Variants in GMPS observed in about 807,000 individuals in gnomAD.
GMPS encodes the protein guanosine monophosphate synthase.
GMPS carries 15 observed loss-of-function variants against 77.9 expected under a neutral mutation model. The observed-to-expected ratio is 0.19, with a 90% confidence interval of 0.13 to 0.30. The LOEUF (loss-of-function observed/expected upper bound fraction) is 0.30, where lower values mean the gene tolerates loss of function less well. Among genes scored for constraint, GMPS ranks in the 10% least tolerant of loss-of-function variants. The probability of loss-of-function intolerance (pLI) is 1.00; values close to 1 mark genes in which losing one functional copy is unlikely to be tolerated. For synonymous variants in GMPS, 224 were observed against 275.9 expected, an observed-to-expected ratio of 0.81 and a Z score of 1.86; for missense variants, 590 against 838.8, an observed-to-expected ratio of 0.70 and a Z score of 3.66.
intron 10 of GMPS, among the ~76,000 whole-genome samples, chr3:155,921,489 T>G (rs1755315400): frequency 6.6e-6 from 1 of 152,132 alleles, no homozygotes. Context: ...TACTGGATAA[T>G]TTTGTGATAC....
chr3:155,884,995 T>A (rs1243111706), intron 1 of GMPS, among the ~76,000 whole-genome samples: 1 of 152,180 alleles, frequency 6.6e-6, no homozygotes, highest in East Asian at 1.9e-4. Context: ...AAGAGATGTG[T>A]TTGGTTAGCA....
In GMPS at chr3:155,940,536, A is replaced by C. The variant is rs1437769598; in HGVS notation, c.*2844A>C. On this transcript the variant is annotated 3_prime_UTR_variant, in exon 16 of 16. Coordinates refer to ENST00000496455, the MANE Select transcript of GMPS (RefSeq NM_003875.3). ...ACCCTAACCTGTAGAGAATAAGAGC[A>C]TTCAAATTAGGAAGGCAGGACTATC... 4.6e-6 allele frequency: 1 copy of C among 216,942 alleles called. No homozygotes were observed. Among genetic ancestry groups the C allele is most frequent in the Non-Finnish European group, 9.3e-6 (1 of 107,814 alleles). 13.4% of individuals were successfully genotyped at this position (216,942 alleles called of 1,614,324 possible).
chr3:155,869,773 G>A (rs1213791281), upstream of GMPS, among the ~76,000 whole-genome samples: 2 of 152,170 alleles, frequency 1.3e-5, no homozygotes, highest in Non-Finnish European at 2.9e-5. Flanking sequence ...ACACAAGAAT[G>A]ACTGCAGCAA....
intron 2 of GMPS, among the ~76,000 whole-genome samples, chr3:155,894,930 G>C (rs1178946029): frequency 1.3e-5 from 2 of 152,136 alleles, no homozygotes; most frequent in African/African-American, 4.8e-5. Flanking sequence ...TTATTTACCA[G>C]CAAGAACTAG....
At chr3:155,870,953 C>A (rs1753889663) in intron 1 of GMPS, 56 bp downstream of exon 1, 3 of 1,398,432 alleles carry the variant, frequency 2.1e-6, no homozygotes, top group African/African-American at 3.0e-5. Context: ...GCTCCCGGAC[C>A]GGGGAGCCAC....
rs113299379 is a variant in GMPS, at chr3:155,890,519, C to T, written c.28-2999C>T. Reference sequence around the variant, plus strand: ...GTTTACTACAGTATAATTTAAAATACTAGGAACATTGAGAATTAAAGTATT... The same window carrying T: ...GTTTACTACAGTATAATTTAAAATATTAGGAACATTGAGAATTAAAGTATT... On this transcript the variant is annotated intron_variant, in intron 1 of 15. Transcript: ENST00000496455. Among the ~76,000 whole-genome samples, 12 of 151,758 alleles carry T rather than the reference C, an allele frequency of 7.9e-5. 1 individual carries two copies. The highest frequency in any genetic ancestry group is 2.9e-4 in the African/African-American group (12 of 41,276).
chr3:155,883,264 G>A (rs1211215763), intron 1 of GMPS, among the ~76,000 whole-genome samples: 1 of 151,930 alleles, frequency 6.6e-6, no homozygotes, highest in Admixed American at 6.6e-5. Context: ...TAGTAGAGAT[G>A]GGGTTTCACC....
In GMPS at chr3:155,937,989, A is replaced by G; in HGVS notation, c.*297A>G. On this transcript the variant is annotated 3_prime_UTR_variant, in exon 16 of 16. Coordinates refer to ENST00000496455, the MANE Select transcript of GMPS (RefSeq NM_003875.3). ...ATTCACTGTTGATGTCTCTGTGAAT[A>G]TGTATGAAGGTGGGTGAATTTGGGG... The G allele has an allele frequency of 3.4e-6, 1 of 296,862 alleles. No individual in the cohort carries two copies. Among genetic ancestry groups the G allele is most frequent in the Admixed American group, 4.6e-5 (1 of 21,540 alleles). The allele number at this position is 296,862 out of a possible 1,614,324, so 18.4% of individuals were successfully genotyped here.
At chr3:155,915,011 G>A (rs977571892) in intron 8 of GMPS, among the ~76,000 whole-genome samples, 5 of 151,674 alleles carry the variant, frequency 3.3e-5, no homozygotes, top group East Asian at 1.9e-4. Context: ...CTCATGATCC[G>A]CCCGCCTCAG....
At chr3:155,905,461 A>G (rs1022958231) in intron 4 of GMPS, among the ~76,000 whole-genome samples, 2 of 152,086 alleles carry the variant, frequency 1.3e-5, no homozygotes, top group Non-Finnish European at 2.9e-5. Flanking sequence ...TACTTAACTA[A>G]GTTTCATTAA....
intron 12 of GMPS, among the ~76,000 whole-genome samples, chr3:155,928,019 CTTTTTT>C (rs35962523): frequency 7.4e-5 from 5 of 67,842 alleles, no homozygotes; most frequent in African/African-American, 1.9e-4. Context: ...GCATTTTACA[CTTTTTT>C]TTTTTTTTTT....
intron 13 of GMPS, among the ~76,000 whole-genome samples, chr3:155,933,051 G>T (rs187933044): frequency 1.3e-5 from 2 of 152,240 alleles, no homozygotes; most frequent in African/African-American, 4.8e-5. Context: ...AATTAGCCAG[G>T]CATGGTGGTG....
chr3:155,941,719 T>C lies in GMPS; in HGVS notation c.*4027T>C, dbSNP rs146753585. ...CTCCACCCTTGGAAAGCACATCTTT[T>C]GTTCTTACTGAAGTAGTTTAACACC... On this transcript the variant is annotated 3_prime_UTR_variant, in exon 16 of 16. Coordinates refer to ENST00000496455, the MANE Select transcript of GMPS (RefSeq NM_003875.3). The C allele has an allele frequency of 1.8e-5, 4 of 222,120 alleles. No homozygotes were observed. Among genetic ancestry groups the C allele is most frequent in the East Asian group, 6.6e-5 (1 of 15,236 alleles). 13.8% of individuals were successfully genotyped at this position (222,120 alleles called of 1,614,324 possible). A position where few individuals can be genotyped will look rare whatever the true frequency, so the allele number is the denominator to read the frequency against.
intron 1 of GMPS, among the ~76,000 whole-genome samples, chr3:155,878,139 C>T (rs1754103939): frequency 6.6e-6 from 1 of 152,102 alleles, no homozygotes; most frequent in Non-Finnish European, 1.5e-5. Flanking sequence ...GCTCTAACCA[C>T]CTCCCAAAGA....
chr3:155,871,401 C>T (rs1304203382), intron 1 of GMPS, among the ~76,000 whole-genome samples: 1 of 152,142 alleles, frequency 6.6e-6, no homozygotes, highest in Non-Finnish European at 1.5e-5. Flanking sequence ...GTCTTCCCGC[C>T]ACCCCGTTTC....
chr3:155,871,426 C>T (rs1753902244), intron 1 of GMPS, among the ~76,000 whole-genome samples: 1 of 152,194 alleles, frequency 6.6e-6, no homozygotes, highest in Admixed American at 6.5e-5. Context: ...CTGCCCTCGG[C>T]GAGGCCCGCT....
At chr3:155,878,956 G>C (rs996353286) in intron 1 of GMPS, among the ~76,000 whole-genome samples, 4 of 152,098 alleles carry the variant, frequency 2.6e-5, no homozygotes, top group Non-Finnish European at 5.9e-5. Flanking sequence ...GAATCCGAAG[G>C]CCATATCCTG....
At chr3:155,875,951 G>T (rs1473128797) in intron 1 of GMPS, among the ~76,000 whole-genome samples, 1 of 151,828 alleles carries the variant, frequency 6.6e-6, no homozygotes, top group South Asian at 2.1e-4. Context: ...CTAAACTGGG[G>T]CACATGAGCA....
chr3:155,891,604 C>CTTTTT (rs35759331), intron 1 of GMPS, among the ~76,000 whole-genome samples: 1 of 127,894 alleles, frequency 7.8e-6, no homozygotes, highest in East Asian at 2.2e-4. Flanking sequence ...TTGTTTGTTA[C>CTTTTT]TTTTTTTTTT....
Sources: allele counts gnomAD v4.1 joint callset (sites outside exome capture counted in the v4.1 genomes callset), GRCh38; gene constraint gnomAD v4.1.1; transcripts MANE v1.5; gene names NCBI Gene and HGNC (gene_info 2026-07-23, HGNC 2026-07-21).